ZFHX3: variants seen among roughly 807,000 people sequenced by gnomAD.
ZFHX3 encodes the protein zinc finger homeobox 3.
In ZFHX3, 42 loss-of-function variants were observed where a neutral mutation model predicts 279.1. The observed-to-expected ratio is 0.15, with a 90% CI of 0.12 to 0.19. ZFHX3 has a LOEUF of 0.19. ZFHX3 is among the 10% of genes least tolerant of loss of function. The pLI, the probability that ZFHX3 is intolerant of heterozygous loss-of-function variation, is 1.00. For synonymous variants in ZFHX3, 2,293 were observed against 1,957.8 expected, an observed-to-expected ratio of 1.17 and a Z score of -4.52; for missense variants, 4,981 against 4,754.0, an observed-to-expected ratio of 1.05 and a Z score of -1.40.
chr16:72,901,305 C>T (rs942867855), intron 3 of ZFHX3, among the ~76,000 whole-genome samples: 4 of 152,310 alleles, frequency 2.6e-5, no homozygotes, highest in East Asian at 1.9e-4. Context: ...TTTAAAACTC[C>T]TCCCATGCTC....
chr16:73,223,266 C>T (rs1288962610), intron 5 of ZFHX3, among the ~76,000 whole-genome samples: 1 of 151,948 alleles, frequency 6.6e-6, no homozygotes, highest in Non-Finnish European at 1.5e-5. Context: ...AAGACATAGT[C>T]AAGAGAATTA....
intron 3 of ZFHX3, among the ~76,000 whole-genome samples, chr16:73,321,864 A>C (rs1449940855): frequency 6.6e-6 from 1 of 152,072 alleles, no homozygotes; most frequent in East Asian, 1.9e-4. Context: ...AGAGAGAGAG[A>C]GATTGAGAGA....
chr16:73,134,504 A>ATT (rs746287782), intron 6 of ZFHX3: 74 of 139,422 alleles, frequency 5.3e-4, no homozygotes, highest in African/African-American at 1.9e-3. Context: ...CTAACTAAAC[A>ATT]TTTTTTTTTT....
At chr16:73,467,186 G>A (rs931265754) in intron 2 of ZFHX3, among the ~76,000 whole-genome samples, 1 of 152,224 alleles carries the variant, frequency 6.6e-6, no homozygotes, top group Non-Finnish European at 1.5e-5. Context: ...GGAAAAGAGA[G>A]GGAGACCTAT....
intron 3 of ZFHX3, among the ~76,000 whole-genome samples, chr16:73,407,127 G>C (rs1421618141): frequency 6.6e-6 from 1 of 152,132 alleles, no homozygotes; most frequent in African/African-American, 2.4e-5. Context: ...ATACTCAGTG[G>C]GTGGAGGCCA....
At chr16:73,373,572 C>T (rs917081543) in intron 3 of ZFHX3, among the ~76,000 whole-genome samples, 1 of 152,162 alleles carries the variant, frequency 6.6e-6, no homozygotes, top group Non-Finnish European at 1.5e-5. Flanking sequence ...CGAGCTACCA[C>T]CAAATGAACT....
At chr16:72,921,297 G>T (rs2039577426) in intron 3 of ZFHX3, among the ~76,000 whole-genome samples, 1 of 152,158 alleles carries the variant, frequency 6.6e-6, no homozygotes. Context: ...TAGGAACTTG[G>T]ACAAGTGCTT....
At chr16:72,976,671 G>A (rs946668842) in intron 1 of ZFHX3, among the ~76,000 whole-genome samples, 1 of 152,154 alleles carries the variant, frequency 6.6e-6, no homozygotes, top group Non-Finnish European at 1.5e-5. Flanking sequence ...ACAATTATCT[G>A]GGTTACTGCT....
intron 3 of ZFHX3, among the ~76,000 whole-genome samples, chr16:73,384,342 C>G (rs1251805366): frequency 6.6e-6 from 1 of 152,214 alleles, no homozygotes; most frequent in Non-Finnish European, 1.5e-5. Context: ...TTTGGCTCTT[C>G]ACAGAAGAAT....
chr16:73,709,891 A>T (rs571692618), intron 1 of ZFHX3, among the ~76,000 whole-genome samples: 2 of 152,270 alleles, frequency 1.3e-5, no homozygotes, highest in East Asian at 3.9e-4. Flanking sequence ...TCATAAATAC[A>T]TAGGTTTTGG....
chr16:73,620,005 G>A (rs1339293875), intron 2 of ZFHX3, among the ~76,000 whole-genome samples: 1 of 152,124 alleles, frequency 6.6e-6, no homozygotes, highest in African/African-American at 2.4e-5. Context: ...GCCCAGGCTG[G>A]ACTCAACTCC....
intron 5 of ZFHX3, among the ~76,000 whole-genome samples, chr16:73,199,626 G>A (rs982209723): frequency 2.6e-5 from 4 of 152,164 alleles, no homozygotes; most frequent in African/African-American, 4.8e-5. Flanking sequence ...AGCCCTTAGC[G>A]ATTCTTAACA....
intron 4 of ZFHX3, among the ~76,000 whole-genome samples, chr16:72,840,577 A>G (rs951487884): frequency 1.3e-5 from 2 of 152,208 alleles, no homozygotes; most frequent in African/African-American, 4.8e-5. Flanking sequence ...CACAACAGAG[A>G]AAAATAAAAC....
intron 3 of ZFHX3, among the ~76,000 whole-genome samples, chr16:73,437,957 A>C (rs2018024059): frequency 6.6e-6 from 1 of 152,166 alleles, no homozygotes; most frequent in Non-Finnish European, 1.5e-5. Flanking sequence ...CACCAGCTGT[A>C]ATAAGGATGA....
At chr16:73,294,012 A>C (rs1340949060) in intron 4 of ZFHX3, 5 of 147,142 alleles carry the variant, frequency 3.4e-5, no homozygotes, top group Non-Finnish European at 6.0e-5. Flanking sequence ...AAAAAAAAAA[A>C]ACCACAAAGC....
intron 2 of ZFHX3, among the ~76,000 whole-genome samples, chr16:73,590,082 A>T (rs947996714): frequency 1.3e-5 from 2 of 152,306 alleles, no homozygotes; most frequent in East Asian, 3.9e-4. Context: ...AAAAGAAGCA[A>T]TCCTATTGGC....
At chr16:72,928,446 C>A (rs1053761433) in intron 3 of ZFHX3, among the ~76,000 whole-genome samples, 1 of 151,988 alleles carries the variant, frequency 6.6e-6, no homozygotes, top group Non-Finnish European at 1.5e-5. Flanking sequence ...ACCCCTCGGC[C>A]CAAGTCTTGG....
chr16:73,160,735 C>T (rs80266189), intron 5 of ZFHX3, among the ~76,000 whole-genome samples: 3,635 of 151,252 alleles, frequency 0.024, 149 homozygotes, highest in African/African-American at 0.083. Flanking sequence ...AATCCTGTCA[C>T]GGCATGCTTA....
At chr16:73,083,814 C>A (rs1965977737) in intron 8 of ZFHX3, among the ~76,000 whole-genome samples, 1 of 152,134 alleles carries the variant, frequency 6.6e-6, no homozygotes. Context: ...CAGGTGTGAG[C>A]CACCATGCCC....
Sources: gnomAD v4.1 joint callset for allele counts (sites outside exome capture counted in the v4.1 genomes callset) on GRCh38, gnomAD v4.1.1 for gene constraint, MANE v1.5 for transcripts, NCBI Gene and HGNC (gene_info 2026-07-23, HGNC 2026-07-21) for gene names.